Variants in SEC16B observed in about 807,000 individuals in gnomAD.
The protein encoded by SEC16B is SEC16 homolog B, endoplasmic reticulum export factor.
Under a neutral mutation model 141.8 loss-of-function variants are expected in SEC16B, and 115 were observed. The ratio of observed to expected loss-of-function variants is 0.81; its 90% CI spans 0.70 to 0.95. The LOEUF (loss-of-function observed/expected upper bound fraction) is 0.95. Ranked by LOEUF, SEC16B falls within the 40% of genes least tolerant of loss-of-function variation. The pLI, the probability that SEC16B is intolerant of heterozygous loss-of-function variation, is 0.00. For synonymous variants in SEC16B, 493 were observed against 492.5 expected, an observed-to-expected ratio of 1.00 and a Z score of -0.01; for missense variants, 1,291 against 1,312.3, an observed-to-expected ratio of 0.98 and a Z score of 0.25.
At chr1:177,953,424 G>A (rs1389453324) in intron 11 of SEC16B, among the ~76,000 whole-genome samples, 1 of 152,198 alleles carries the variant, frequency 6.6e-6, no homozygotes, top group Non-Finnish European at 1.5e-5. Flanking sequence ...AACACTTTGA[G>A]GTAGCATCTT....
chr1:177,943,303 G>A (rs756180316), intron 15 of SEC16B, among the ~76,000 whole-genome samples: 4 of 152,202 alleles, frequency 2.6e-5, no homozygotes, highest in Non-Finnish European at 4.4e-5. Flanking sequence ...AGATGCTATA[G>A]GACAAATGCC....
At chr1:177,960,657 A>T in intron 7 of SEC16B, 134 bp downstream of exon 7, 1 of 967,110 alleles carries the variant, frequency 1.0e-6, no homozygotes, top group Non-Finnish European at 1.5e-6. Context: ...CAGGGGGTAC[A>T]TGGCCCAGTT....
At chr1:177,971,083 C>CTTTT (rs200777874), upstream of SEC16B, among the ~76,000 whole-genome samples, 1 of 145,840 alleles carries the variant, frequency 6.9e-6, no homozygotes, top group Non-Finnish European at 1.5e-5. Context: ...CTAATGGTTT[C>CTTTT]TTTTTTTTTT....
chr1:177,957,731 TG>T (rs1382207351), intron 10 of SEC16B, among the ~76,000 whole-genome samples: 4 of 152,198 alleles, frequency 2.6e-5, no homozygotes, highest in African/African-American at 9.6e-5. Flanking sequence ...GTTCCCCTTT[TG>T]TGCTATCAAA....
intron 1 of SEC16B, among the ~76,000 whole-genome samples, chr1:177,968,333 A>G (rs1653720049): frequency 6.6e-6 from 1 of 152,242 alleles, no homozygotes; most frequent in Admixed American, 6.5e-5. Flanking sequence ...AAATGCTATC[A>G]AGGAATCCCA....
In SEC16B at chr1:177,958,891, T is replaced by C. The variant is rs958417235; in HGVS notation, c.1083A>G (p.Arg361=). 13 of 1,613,742 alleles carry C rather than the reference T, an allele frequency of 8.1e-6. No homozygotes were observed. Among genetic ancestry groups the C allele is most frequent in the Non-Finnish European group, 1.1e-5 (13 of 1,179,796 alleles). ...QSCKSETLGS[R]DSALLWQLLV... is the part of the protein sequence containing the mutation. The stretch of plus-strand genomic sequence containing the variant: ...AGAGCTGCCACAGTAGAGCTGAGTC[T>C]CTGCTCCCCAGTGTCTCAGATTTGC... The change falls in exon 9 of 26, where the codon AGA becomes AGG. Residue 361 remains arginine (R), a synonymous_variant. Transcript: ENST00000308284.
chr1:177,942,181 G>C (rs1268848374), intron 15 of SEC16B, 141 bp from the exon 16 acceptor site: 2 of 929,462 alleles, frequency 2.2e-6, no homozygotes, highest in African/African-American at 3.3e-5. Flanking sequence ...GTGCCATTTG[G>C]AGCATTTTAT....
chr1:177,936,573 C>T (rs1042575095), intron 19 of SEC16B, among the ~76,000 whole-genome samples: 1 of 152,180 alleles, frequency 6.6e-6, no homozygotes, highest in Non-Finnish European at 1.5e-5. Flanking sequence ...TCAACTCATC[C>T]TCTACTTCCA....
rs1167943700 is a variant in SEC16B at position 177,957,671 on chromosome 1, A to G, written c.1365+461T>C. ...CCTTTGTGTTACAAACAACCCAATTATACTCTTTTAGTTATCTTTAAATGT... is the reference window on the plus strand; with the variant it reads ...CCTTTGTGTTACAAACAACCCAATTGTACTCTTTTAGTTATCTTTAAATGT... On this transcript the variant is annotated intron_variant, in intron 10 of 25. Coordinates refer to ENST00000308284, the MANE Select transcript of SEC16B (RefSeq NM_033127.4). 3.3e-5 allele frequency among the ~76,000 whole-genome samples: 5 copies of G among 152,140 alleles called. No individual in the cohort carries two copies. In the East Asian group the frequency reaches 9.6e-4, roughly 29 times the overall value.
intron 11 of SEC16B, 22 bp downstream of exon 11, chr1:177,954,257 C>A (rs1557981033): frequency 6.5e-7 from 1 of 1,548,600 alleles, no homozygotes; most frequent in African/African-American, 1.4e-5. Flanking sequence ...CCACTGGCCT[C>A]TTTTGTTAAG....
intron 8 of SEC16B, 37 bp downstream of exon 8, chr1:177,960,305 C>T: frequency 7.1e-7 from 1 of 1,412,100 alleles, no homozygotes; most frequent in East Asian, 2.3e-5. Flanking sequence ...TTCTAGGTTT[C>T]AAAAGCCCTT....
chr1:177,959,084 T>C (rs780607140), intron 8 of SEC16B, 109 bp from the exon 9 acceptor site: 115 of 1,191,254 alleles, frequency 9.7e-5, no homozygotes, highest in Non-Finnish European at 1.3e-4. Flanking sequence ...GTGATTGAGA[T>C]AGAAATCTGA....
chr1:177,950,227 C>T (rs973417262), intron 12 of SEC16B, among the ~76,000 whole-genome samples: 2 of 151,966 alleles, frequency 1.3e-5, no homozygotes, highest in African/African-American at 4.8e-5. Context: ...CCTCAAGATA[C>T]GAGAAAAGGC....
intron 1 of SEC16B, among the ~76,000 whole-genome samples, chr1:177,981,094 T>A (rs1287770531): frequency 6.6e-6 from 1 of 151,900 alleles, no homozygotes; most frequent in Non-Finnish European, 1.5e-5. Context: ...AAACCCCTGA[T>A]GTTTAGCTTT....
At chr1:177,958,414 G>T (rs1652800450) in intron 9 of SEC16B, 52 bp from the exon 10 acceptor site, 4 of 1,418,588 alleles carry the variant, frequency 2.8e-6, no homozygotes, top group Non-Finnish European at 2.8e-6. Context: ...CCTCAGGCTG[G>T]CAGCCCCAGC....
chr1:177,954,108 C>T (rs1456584457), intron 11 of SEC16B, among the ~76,000 whole-genome samples, 171 bp downstream of exon 11: 35 of 152,204 alleles, frequency 2.3e-4, no homozygotes, highest in Non-Finnish European at 7.3e-5. Context: ...AAGAATGTAT[C>T]TGTGTCTAAA....
intron 2 of SEC16B, 70 bp downstream of exon 2, chr1:177,967,613 A>C: frequency 7.1e-7 from 1 of 1,401,424 alleles, no homozygotes; most frequent in East Asian, 2.3e-5. Flanking sequence ...AGGAAAAGGA[A>C]GAAGGAAAAG....
rs1007321924 is a variant in SEC16B at position 177,946,519 on chromosome 1, A to G, written c.1676T>C (p.Leu559Pro). Residue 559 changes from leucine (L) to proline (P), a missense_variant, in exon 14 of 26, where the codon CTT becomes CCT. Around this residue, in one of 3 missense-constraint regions of SEC16B, gnomAD observed 5 missense variants for 22.8 expected, o/e 0.22. Coordinates refer to ENST00000308284, the MANE Select transcript of SEC16B (RefSeq NM_033127.4). ...AIGDTLAGKG[L>P]VEAAHFCYLM... is the part of the protein sequence containing the mutation. ...ATAGCAGAAGTGAGCTGCCTCCACAAGCCCCTTCCCAGCTGCGGGAGGAAG... is the reference window on the plus strand; with the variant it reads ...ATAGCAGAAGTGAGCTGCCTCCACAGGCCCCTTCCCAGCTGCGGGAGGAAG... 4 of 1,578,302 alleles carry G rather than the reference A, an allele frequency of 2.5e-6. No homozygotes were observed. In the African/African-American group the frequency reaches 5.4e-5, roughly 21 times the overall value.
At chr1:177,974,123 CTTTT>C (rs5778969), upstream of SEC16B, among the ~76,000 whole-genome samples, 1 of 150,012 alleles carries the variant, frequency 6.7e-6, no homozygotes, top group Non-Finnish European at 1.5e-5. Flanking sequence ...GAAATGCTAC[CTTTT>C]TTTTTTATTT....
Sources: gnomAD v4.1 joint callset for allele counts (sites outside exome capture counted in the v4.1 genomes callset) on GRCh38, gnomAD v4.1.1 for gene constraint, gnomAD v4.1.1 regional missense constraint, MANE v1.5 for transcripts, NCBI Gene and HGNC (gene_info 2026-07-23, HGNC 2026-07-21) for gene names.